AK5: variants seen among roughly 807,000 people sequenced by gnomAD.
The protein encoded by AK5 is adenylate kinase isoenzyme 5.
In AK5, 27 loss-of-function variants were observed where a neutral mutation model predicts 69.5. The observed-to-expected ratio is 0.39, with a 90% CI of 0.29 to 0.54. The LOEUF (loss-of-function observed/expected upper bound fraction) is 0.54. Among genes scored for constraint, AK5 ranks in the 20% least tolerant of loss-of-function variants. The probability of loss-of-function intolerance (pLI) is 0.71; values close to 1 mark genes in which losing one functional copy is unlikely to be tolerated. For missense variants in AK5, 531 were observed against 700.4 expected, an observed-to-expected ratio of 0.76 and a Z score of 2.73; for synonymous variants, 260 against 244.4, an observed-to-expected ratio of 1.06 and a Z score of -0.60.
chr1:77,356,082 T>C (rs1195720458), intron 6 of AK5, among the ~76,000 whole-genome samples: 2 of 152,190 alleles, frequency 1.3e-5, no homozygotes, highest in Admixed American at 6.5e-5. Flanking sequence ...ACATGCTTTG[T>C]TTTCATTTTA....
chr1:77,541,958 A>C (rs1010595305), intron 13 of AK5, among the ~76,000 whole-genome samples: 6 of 151,892 alleles, frequency 4.0e-5, no homozygotes, highest in African/African-American at 1.5e-4. Flanking sequence ...TACTTTATTG[A>C]GTGCATATGG....
intron 5 of AK5, among the ~76,000 whole-genome samples, chr1:77,320,776 T>C (rs1660490047): frequency 6.6e-6 from 1 of 152,052 alleles, no homozygotes; most frequent in South Asian, 2.1e-4. Context: ...ATGAAAACAC[T>C]ACACATAAGA....
chr1:77,396,842 GT>G (rs1648864575), intron 6 of AK5, among the ~76,000 whole-genome samples: 1 of 152,230 alleles, frequency 6.6e-6, no homozygotes, highest in African/African-American at 2.4e-5. Flanking sequence ...TTGGGAAAGT[GT>G]TACGTTGTGA....
At chr1:77,511,512 A>G (rs1657346260) in intron 10 of AK5, among the ~76,000 whole-genome samples, 1 of 152,228 alleles carries the variant, frequency 6.6e-6, no homozygotes, top group African/African-American at 2.4e-5. Flanking sequence ...AAATGTTAAG[A>G]GTGAGAGGAA....
intron 8 of AK5, among the ~76,000 whole-genome samples, chr1:77,456,981 C>G (rs1653528311): frequency 6.6e-6 from 1 of 151,042 alleles, no homozygotes; most frequent in East Asian, 1.9e-4. Context: ...TTGCAAATGG[C>G]TTTATTCTTT....
chr1:77,284,663 C>T (rs1658249568), intron 1 of AK5, among the ~76,000 whole-genome samples: 1 of 152,152 alleles, frequency 6.6e-6, no homozygotes, highest in Non-Finnish European at 1.5e-5. Context: ...TTGTAGCTTA[C>T]AGCAGAGATT....
At chr1:77,475,465 T>A (rs1331873889) in intron 8 of AK5, among the ~76,000 whole-genome samples, 4 of 12,836 alleles carry the variant, frequency 3.1e-4, no homozygotes, top group African/African-American at 4.9e-4. Flanking sequence ...CAAATATATA[T>A]TATATATGTA....
chr1:77,490,480 G>C (rs1655913647), intron 10 of AK5, among the ~76,000 whole-genome samples: 1 of 152,156 alleles, frequency 6.6e-6, no homozygotes, highest in African/African-American at 2.4e-5. Flanking sequence ...ATATATTCTT[G>C]TTCCCGAAGA....
At chr1:77,468,134 G>T (rs1654255848) in intron 8 of AK5, among the ~76,000 whole-genome samples, 1 of 152,238 alleles carries the variant, frequency 6.6e-6, no homozygotes, top group East Asian at 1.9e-4. Context: ...TTGAACTCTT[G>T]AGGGGGTGGG....
chr1:77,367,886 T>C lies in AK5; in HGVS notation c.891+27318T>C, dbSNP rs371193811. 6.8e-3 allele frequency among the ~76,000 whole-genome samples: 92 copies of C among 13,614 alleles called. 13 individuals are homozygous for C. The highest frequency in any genetic ancestry group is 0.02 in the African/African-American group (83 of 4,060). The allele number at this position is 13,614 out of a possible 152,430, so 8.9% of individuals were successfully genotyped here. A position where few individuals can be genotyped will look rare whatever the true frequency, so the allele number is the denominator to read the frequency against. On this transcript the variant is annotated intron_variant, in intron 6 of 13. Transcript: ENST00000354567. Reference sequence around the variant, plus strand: ...AATATATGTGATATATAATATAAAATATATGTGATATATATTATATATAAA... The same window carrying C: ...AATATATGTGATATATAATATAAAACATATGTGATATATATTATATATAAA...
intron 6 of AK5, among the ~76,000 whole-genome samples, chr1:77,356,038 C>A (rs1285034881): frequency 6.6e-6 from 1 of 152,106 alleles, no homozygotes; most frequent in Non-Finnish European, 1.5e-5. Flanking sequence ...ATAGGTAACA[C>A]CTTTCAAGAT....
At position 77,547,470 on chromosome 1, in the gene AK5, C is replaced by T. The variant is rs139120557; in HGVS notation, c.1621-11132C>T. Among the ~76,000 whole-genome samples the T allele has an allele frequency of 5.0e-3, 762 of 152,020 alleles. 10 individuals are homozygous for T. Among genetic ancestry groups the T allele is most frequent in the African/African-American group, 0.017 (721 of 41,484 alleles). On this transcript the variant is annotated intron_variant, in intron 13 of 13. Coordinates refer to ENST00000354567, the MANE Select transcript of AK5 (RefSeq NM_174858.3). ...TGTATTTTTAGTAGAGACGGGGTTTCGCCATGTTGGCCATGATGGTCTCAA... is the reference window on the plus strand; with the variant it reads ...TGTATTTTTAGTAGAGACGGGGTTTTGCCATGTTGGCCATGATGGTCTCAA...
chr1:77,507,545 GA>G (rs1352445191), intron 10 of AK5, among the ~76,000 whole-genome samples: 1 of 152,186 alleles, frequency 6.6e-6, no homozygotes, highest in Non-Finnish European at 1.5e-5. Flanking sequence ...CCACTGGTGT[GA>G]AATAGGCCAC....
At chr1:77,382,403 T>A (rs1017300512) in intron 6 of AK5, among the ~76,000 whole-genome samples, 4 of 152,198 alleles carry the variant, frequency 2.6e-5, no homozygotes, top group Non-Finnish European at 4.4e-5. Flanking sequence ...TAGGCTGGAA[T>A]GCAATGGTGT....
At chr1:77,511,583 G>A (rs1657349781) in intron 10 of AK5, among the ~76,000 whole-genome samples, 1 of 152,202 alleles carries the variant, frequency 6.6e-6, no homozygotes, top group African/African-American at 2.4e-5. Context: ...TCCAATTGAT[G>A]TCCAACTTGA....
At chr1:77,367,883 A>ATATATGTTATATAT (rs1553140089) in intron 6 of AK5, among the ~76,000 whole-genome samples, 3 of 7,374 alleles carry the variant, frequency 4.1e-4, no homozygotes, top group Non-Finnish European at 7.1e-4. Flanking sequence ...ATATAATATA[A>ATATATGTTATATAT]AATATATGTG....
chr1:77,508,888 G>T (rs918160100), intron 10 of AK5, among the ~76,000 whole-genome samples: 1 of 151,938 alleles, frequency 6.6e-6, no homozygotes, highest in African/African-American at 2.4e-5. Context: ...AAAGAAGAAG[G>T]TGGGGATGAG....
At chr1:77,381,123 T>G (rs1048165216) in intron 6 of AK5, among the ~76,000 whole-genome samples, 4 of 152,182 alleles carry the variant, frequency 2.6e-5, no homozygotes, top group Non-Finnish European at 5.9e-5. Flanking sequence ...GAACCTAGCA[T>G]GTAATGGAAT....
intron 10 of AK5, among the ~76,000 whole-genome samples, chr1:77,516,818 C>G (rs952024482): frequency 1.3e-5 from 2 of 152,040 alleles, no homozygotes; most frequent in African/African-American, 4.8e-5. Context: ...GCCTGTAATC[C>G]CAGCATTTCA....
Sources: allele counts gnomAD v4.1 joint callset (sites outside exome capture counted in the v4.1 genomes callset), GRCh38; gene constraint gnomAD v4.1.1; transcripts MANE v1.5; gene names NCBI Gene and HGNC (gene_info 2026-07-23, HGNC 2026-07-21).